PDE4DIP: variants seen among roughly 807,000 people sequenced by gnomAD.
PDE4DIP encodes the protein myomegalin.
A neutral mutation model predicts 221.4 loss-of-function variants in PDE4DIP; 59 were observed. That is an observed-to-expected ratio of 0.27 (90% CI 0.22 to 0.33). The LOEUF is 0.33. Ranked by LOEUF, PDE4DIP falls within the 10% of genes least tolerant of loss-of-function variation. The pLI, the probability that PDE4DIP is intolerant of heterozygous loss-of-function variation, is 1.00. For missense variants in PDE4DIP, 1,036 were observed against 2,154.2 expected (o/e 0.48, Z 10.28); for synonymous variants, 404 against 815.9 (o/e 0.50, Z 8.60).
At chr1:148,978,592 C>G (rs1553539783) in intron 19 of PDE4DIP, among the ~76,000 whole-genome samples, 177 bp downstream of exon 22, 1 of 151,612 alleles carries the variant, frequency 6.6e-6, no homozygotes, top group Non-Finnish European at 1.5e-5. Context: ...AAGCATGAGT[C>G]ACCACATTGA....
intron 4 of PDE4DIP, among the ~76,000 whole-genome samples, chr1:148,935,282 T>A (rs1553474150): frequency 6.7e-6 from 1 of 149,974 alleles, no homozygotes; most frequent in East Asian, 2.0e-4. Flanking sequence ...ACCTGGAAGG[T>A]TCATGTTCCA....
chr1:149,005,521 G>A (rs1421019329), intron 27 of PDE4DIP, 84 bp downstream of exon 30: 4 of 1,061,460 alleles, frequency 3.8e-6, no homozygotes, highest in Admixed American at 2.3e-5. Flanking sequence ...GCAGTTGGAA[G>A]AAAGAACATG....
At chr1:148,959,791 A>G (rs1445131394) in intron 5 of PDE4DIP, among the ~76,000 whole-genome samples, 1 of 150,592 alleles carries the variant, frequency 6.6e-6, no homozygotes, top group Non-Finnish European at 1.5e-5. Context: ...ACTATGGATT[A>G]TTTATCTGTG....
rs60448213 is a variant in PDE4DIP, at chr1:148,817,973, C to T, written c.233+9236C>T. 2.4e-3 allele frequency among the ~76,000 whole-genome samples: 352 copies of T among 146,852 alleles called. 14 individuals are homozygous for T. The highest frequency in any genetic ancestry group is 6.4e-3 in the African/African-American group (248 of 38,948). ...CTGGGATTACAGGCACCCACCACCA[C>T]GCCTGGCTAATTTTTGTATTTTTAT... On this transcript the variant is annotated intron_variant, in intron 1 of 45. Transcript: ENST00000524974.
At chr1:148,954,239 T>TA (rs1553499237) in intron 5 of PDE4DIP, among the ~76,000 whole-genome samples, 1 of 152,186 alleles carries the variant, frequency 6.6e-6, no homozygotes, top group South Asian at 2.1e-4. Flanking sequence ...CTTTTCCTCT[T>TA]ACCTCTTTTT....
At chr1:148,981,381 C>A (rs782079564) in exon 21 of PDE4DIP, 1 of 1,613,982 alleles carries the variant, frequency 6.2e-7, no homozygotes, top group Non-Finnish European at 8.5e-7. Flanking sequence ...GGCTGGAGAC[C>A]CTGGCCGCCA....
intron 1 of PDE4DIP, among the ~76,000 whole-genome samples, chr1:148,924,209 T>TA (rs1445668041): frequency 6.6e-6 from 1 of 152,190 alleles, no homozygotes; most frequent in Non-Finnish European, 1.5e-5. Context: ...TTTGGAGAGA[T>TA]AAAGTAAGGC....
chr1:148,844,136 T>C (rs1675761322), intron 1 of PDE4DIP, among the ~76,000 whole-genome samples: 1 of 52,562 alleles, frequency 1.9e-5, no homozygotes, highest in African/African-American at 5.1e-5. Context: ...GGTGGGGCGA[T>C]GCAGACACAC....
chr1:148,958,507 C>T (rs1250246436), intron 5 of PDE4DIP, among the ~76,000 whole-genome samples: 2 of 152,198 alleles, frequency 1.3e-5, no homozygotes, highest in East Asian at 1.9e-4. Context: ...CTGCCTGCCT[C>T]TCCACCTCAT....
chr1:148,965,524 A>G (rs2057988043), exon 10 of PDE4DIP: 3 of 1,613,104 alleles, frequency 1.9e-6, no homozygotes, highest in South Asian at 1.1e-5. Flanking sequence ...GAAGAATTGC[A>G]GAATAAGAGC....
chr1:148,986,378 G>T (rs2061906691), intron 21 of PDE4DIP: 1 of 152,164 alleles, frequency 6.6e-6, no homozygotes, highest in South Asian at 2.1e-4. Context: ...TGCTAAAATG[G>T]AGTGTAATTT....
chr1:149,012,669 C>T (rs782030134), exon 32 of PDE4DIP: 1 of 1,613,536 alleles, frequency 6.2e-7, no homozygotes, highest in Non-Finnish European at 8.5e-7. Flanking sequence ...AGCTTCCTGC[C>T]TTTCAGCCCC....
At chr1:148,850,581 CAAGAA>C (rs1678652805) in intron 1 of PDE4DIP, among the ~76,000 whole-genome samples, 1 of 62,196 alleles carries the variant, frequency 1.6e-5, no homozygotes, top group Admixed American at 1.9e-4. Flanking sequence ...ACACATAACT[CAAGAA>C]AAGAGTGAAC....
At chr1:148,976,399 A>C (rs1315739392) in intron 17 of PDE4DIP, among the ~76,000 whole-genome samples, 4 of 152,220 alleles carry the variant, frequency 2.6e-5, no homozygotes, top group African/African-American at 9.6e-5. Flanking sequence ...TGATTTTTGA[A>C]CAAGTTTCTT....
At chr1:149,017,218 A>T (rs1553612274) in intron 33 of PDE4DIP, among the ~76,000 whole-genome samples, 2 of 150,878 alleles carry the variant, frequency 1.3e-5, no homozygotes, top group African/African-American at 4.9e-5. Flanking sequence ...TTCATCTTCC[A>T]TATTAAAAGT....
intron 1 of PDE4DIP, among the ~76,000 whole-genome samples, chr1:148,927,088 A>G (rs2046886369): frequency 6.6e-6 from 1 of 150,520 alleles, no homozygotes; most frequent in African/African-American, 2.4e-5. Context: ...ATATACTTCT[A>G]ATGAAACAAA....
chr1:148,979,975 A>G, intron 20 of PDE4DIP, 126 bp downstream of exon 23: 1 of 1,266,924 alleles, frequency 7.9e-7, no homozygotes, highest in South Asian at 1.4e-5. Flanking sequence ...GAGAAAAAAG[A>G]GGGACAATTA....
At chr1:148,963,993 C>T (rs868947770) in intron 9 of PDE4DIP, among the ~76,000 whole-genome samples, 171 of 151,748 alleles carry the variant, frequency 1.1e-3, no homozygotes, top group Middle Eastern at 3.4e-3. Flanking sequence ...GTCCTGACCT[C>T]GTGATCCGCC....
In PDE4DIP at chr1:148,953,135, G is replaced by C. The variant is rs782217411; in HGVS notation, c.637-7519G>C. Reference sequence around the variant, plus strand: ...GGGGAATGGGACGGTTGACATGTCCGTCTTACCCGATGCGAGATACTCTGC... The same window carrying C: ...GGGGAATGGGACGGTTGACATGTCCCTCTTACCCGATGCGAGATACTCTGC... On this transcript the variant is annotated intron_variant, in intron 5 of 43. Coordinates refer to ENST00000369354, the Ensembl canonical transcript of PDE4DIP. The C allele has an allele frequency of 1.9e-5, 31 of 1,613,924 alleles. No individual in the cohort carries two copies. In the East Asian group the frequency reaches 5.3e-4, roughly 28 times the overall value.
Sources: allele counts gnomAD v4.1 joint callset (sites outside exome capture counted in the v4.1 genomes callset), GRCh38; gene constraint gnomAD v4.1.1; transcripts MANE v1.5; gene names NCBI Gene and HGNC (gene_info 2026-07-23, HGNC 2026-07-21).